CDC42BPA: variants seen among roughly 807,000 people sequenced by gnomAD.
CDC42BPA encodes serine/threonine-protein kinase MRCK alpha.
In CDC42BPA, 80 loss-of-function variants were observed where a neutral mutation model predicts 223.5. The observed-to-expected ratio is 0.36, with a 90% CI of 0.30 to 0.43. The LOEUF is 0.43. Among genes scored for constraint, CDC42BPA ranks in the 20% least tolerant of loss-of-function variants. The pLI is 1.00. For synonymous variants in CDC42BPA, 694 were observed against 718.6 expected (o/e 0.97, Z 0.55); for missense variants, 1,743 against 2,099.9 (o/e 0.83, Z 3.32).
At chr1:227,268,618 A>G (rs576568812) in intron 1 of CDC42BPA, among the ~76,000 whole-genome samples, 41 of 91,778 alleles carry the variant, frequency 4.5e-4, no homozygotes, top group South Asian at 1.9e-3. Context: ...TAGTGTGTGT[A>G]TATATATAGT....
At chr1:227,156,913 C>T (rs1326264584) in intron 6 of CDC42BPA, among the ~76,000 whole-genome samples, 4 of 152,144 alleles carry the variant, frequency 2.6e-5, no homozygotes, top group African/African-American at 9.7e-5. Context: ...ATTTCAATCT[C>T]TGTTTTCTCA....
intron 16 of CDC42BPA, among the ~76,000 whole-genome samples, chr1:227,082,129 G>A (rs1256891276): frequency 6.6e-6 from 1 of 152,014 alleles, no homozygotes; most frequent in Non-Finnish European, 1.5e-5. Context: ...CTAGGCTCAA[G>A]CAATCCTCCC....
At chr1:227,132,756 G>C (rs1242620540) in intron 10 of CDC42BPA, among the ~76,000 whole-genome samples, 1 of 150,390 alleles carries the variant, frequency 6.6e-6, no homozygotes, top group Non-Finnish European at 1.5e-5. Context: ...CCATCGTCTG[G>C]GATGTGGAGA....
At chr1:227,278,744 A>G (rs151068824) in intron 1 of CDC42BPA, among the ~76,000 whole-genome samples, 86 of 152,316 alleles carry the variant, frequency 5.6e-4, no homozygotes, top group African/African-American at 2.0e-3. Context: ...AATTATAATC[A>G]ACTTTAGCTC....
chr1:227,124,309 T>C (rs931767135), intron 11 of CDC42BPA, among the ~76,000 whole-genome samples: 2 of 152,102 alleles, frequency 1.3e-5, no homozygotes, highest in Non-Finnish European at 2.9e-5. Flanking sequence ...GAAACAGTCA[T>C]TAATGGTGGG....
At chr1:227,201,154 C>CTT (rs1558746504) in intron 3 of CDC42BPA, among the ~76,000 whole-genome samples, 4 of 151,412 alleles carry the variant, frequency 2.6e-5, no homozygotes, top group Non-Finnish European at 5.9e-5. Context: ...AATTGTTTAA[C>CTT]CTTTTTTTTT....
intron 23 of CDC42BPA, 55 bp downstream of exon 23, chr1:227,047,872 G>A (rs1320832771): frequency 1.0e-6 from 1 of 958,258 alleles, no homozygotes; most frequent in African/African-American, 1.6e-5. Context: ...AATGCATAGA[G>A]CAGATAAAAT....
chr1:227,208,319 G>A (rs1673203600), intron 3 of CDC42BPA, among the ~76,000 whole-genome samples: 1 of 145,784 alleles, frequency 6.9e-6, no homozygotes. Context: ...TGTTCACTCT[G>A]ATGGTAGTTT....
intron 2 of CDC42BPA, 63 bp downstream of exon 2, chr1:227,253,999 TCA>T (rs952392574): frequency 1.4e-4 from 120 of 873,390 alleles, no homozygotes; most frequent in Non-Finnish European, 4.2e-5. Flanking sequence ...TTAAATTCTC[TCA>T]CAATTGTGTT....
intron 2 of CDC42BPA, among the ~76,000 whole-genome samples, chr1:227,253,650 T>TACATA (rs1558878148): frequency 1.1e-5 from 1 of 94,566 alleles, no homozygotes; most frequent in African/African-American, 4.3e-5. Flanking sequence ...ATACATACAT[T>TACATA]CATACATAAA....
chr1:227,312,680 C>T (rs553052601), intron 1 of CDC42BPA, among the ~76,000 whole-genome samples: 1 of 152,258 alleles, frequency 6.6e-6, no homozygotes, highest in East Asian at 1.9e-4. Flanking sequence ...CAGTAAGACC[C>T]TTGACATGGT....
rs148008375 is a variant in CDC42BPA at position 227,059,142 on chromosome 1, G to A, written c.2905-7157C>T. 5.9e-5 allele frequency among the ~76,000 whole-genome samples: 9 copies of A among 152,098 alleles called. No homozygotes were observed. In the East Asian group the frequency reaches 1.7e-3, roughly 29 times the overall value. Reference sequence around the variant, plus strand: ...AAAAAAGATATCATTTTAGTAGTTTGGTTATAGTGATTTATATGAACATTC... The same window carrying A: ...AAAAAAGATATCATTTTAGTAGTTTAGTTATAGTGATTTATATGAACATTC... On this transcript the variant is annotated intron_variant, in intron 21 of 36. Transcript: ENST00000366766.
At chr1:227,295,306 G>A (rs1324873628) in intron 1 of CDC42BPA, among the ~76,000 whole-genome samples, 1 of 151,910 alleles carries the variant, frequency 6.6e-6, no homozygotes, top group African/African-American at 2.4e-5. Context: ...GACTATAGAC[G>A]CACACCACCA....
At chr1:227,226,275 T>C (rs1276123864) in intron 2 of CDC42BPA, among the ~76,000 whole-genome samples, 1 of 152,194 alleles carries the variant, frequency 6.6e-6, no homozygotes, top group Non-Finnish European at 1.5e-5. Flanking sequence ...GAACCCAACT[T>C]TGCATTTAGG....
chr1:227,217,447 CAAAA>C (rs34258602), intron 2 of CDC42BPA, among the ~76,000 whole-genome samples: 1 of 136,222 alleles, frequency 7.3e-6, no homozygotes, highest in Non-Finnish European at 1.6e-5. Flanking sequence ...GACTCTGTCT[CAAAA>C]AAAAAAAGAA....
intron 35 of CDC42BPA, among the ~76,000 whole-genome samples, chr1:227,003,495 A>G (rs1434305771): frequency 6.6e-6 from 1 of 152,206 alleles, no homozygotes; most frequent in African/African-American, 2.4e-5. Flanking sequence ...TTGATAATCT[A>G]CAATCGCACT....
intron 6 of CDC42BPA, among the ~76,000 whole-genome samples, chr1:227,150,156 T>C (rs12142938): frequency 0.87 from 131,288 of 150,696 alleles, 57,258 homozygotes; most frequent in Middle Eastern, 0.93. Context: ...CCTGGGAAGT[T>C]GAGGTTGCAG....
chr1:227,022,831 T>C (rs998185525), intron 32 of CDC42BPA, among the ~76,000 whole-genome samples: 1 of 152,184 alleles, frequency 6.6e-6, no homozygotes, highest in South Asian at 2.1e-4. Context: ...CTTCTTCCTA[T>C]GCTGACATCA....
At chr1:227,043,407 G>GAT (rs1671783223) in intron 23 of CDC42BPA, among the ~76,000 whole-genome samples, 2 of 99,612 alleles carry the variant, frequency 2.0e-5, no homozygotes, top group African/African-American at 7.3e-5. Context: ...ACGAGACTTC[G>GAT]TCTCAAAAAA....
Sources: allele counts gnomAD v4.1 joint callset (sites outside exome capture counted in the v4.1 genomes callset), GRCh38; gene constraint gnomAD v4.1.1; transcripts MANE v1.5; gene names NCBI Gene and HGNC (gene_info 2026-07-23, HGNC 2026-07-21).